DPP4: variants seen among roughly 807,000 people sequenced by gnomAD.
DPP4 encodes dipeptidyl peptidase 4, also known as ADCP-2.
Under a neutral mutation model 122.4 loss-of-function variants are expected in DPP4, and 93 were observed. The ratio of observed to expected loss-of-function variants is 0.76; its 90% confidence interval spans 0.64 to 0.90. The LOEUF (loss-of-function observed/expected upper bound fraction) is 0.90. DPP4 is among the 40% of genes least tolerant of loss of function. The probability of loss-of-function intolerance (pLI) is 0.00; values close to 1 mark genes in which losing one functional copy is unlikely to be tolerated. For synonymous variants in DPP4, 321 were observed against 302.9 expected (o/e 1.06, Z -0.62); for missense variants, 914 against 907.3 (o/e 1.01, Z -0.09).
intron 21 of DPP4, 34 bp from the exon 22 acceptor site, chr2:162,008,695 A>T: frequency 1.3e-6 from 2 of 1,570,302 alleles, no homozygotes; most frequent in Non-Finnish European, 1.8e-6. Context: ...TTATGGAGGT[A>T]AAAGAATAAG....
chr2:162,058,180 T>C (rs1448550186), intron 2 of DPP4, among the ~76,000 whole-genome samples: 1 of 152,220 alleles, frequency 6.6e-6, no homozygotes, highest in African/African-American at 2.4e-5. Context: ...AATTAAATAA[T>C]TAGAACTTAA....
intron 2 of DPP4, among the ~76,000 whole-genome samples, chr2:162,058,002 G>A (rs1243420842): frequency 6.6e-6 from 1 of 152,036 alleles, no homozygotes; most frequent in Non-Finnish European, 1.5e-5. Flanking sequence ...TGAACTCCTG[G>A]CCTCAGATGA....
intron 16 of DPP4, 48 bp downstream of exon 16, chr2:162,018,681 G>A: frequency 1.3e-6 from 2 of 1,594,810 alleles, no homozygotes; most frequent in Non-Finnish European, 1.7e-6. Context: ...CTGCTTCGAA[G>A]TGAGTAACAG....
chr2:162,064,703 A>C (rs1180364563), intron 2 of DPP4, among the ~76,000 whole-genome samples: 1 of 152,194 alleles, frequency 6.6e-6, no homozygotes, highest in African/African-American at 2.4e-5. Flanking sequence ...CTATTATCTC[A>C]GATTTATATT....
In DPP4 at chr2:162,016,867, C is replaced by A; in HGVS notation, c.1469-1G>T. 6.2e-7 allele frequency: 1 copy of A among 1,608,176 alleles called. No individual in the cohort carries two copies. Among genetic ancestry groups the A allele is most frequent in the Non-Finnish European group, 8.5e-7 (1 of 1,178,196 alleles). On this transcript the variant is annotated splice_acceptor_variant, in intron 17 of 25. Coordinates refer to ENST00000360534, the MANE Select transcript of DPP4 (RefSeq NM_001935.4). LOFTEE classifies it high-confidence loss of function. ...GAATTGTCTTCCAGGACTCTCAGCC[C>A]TAAAGAAATACAGGAGACAGCAGTC...
At chr2:162,044,477 CGTTGGTGTGTGAGT>C (rs1217625693) in intron 5 of DPP4, among the ~76,000 whole-genome samples, 4 of 148,542 alleles carry the variant, frequency 2.7e-5, no homozygotes, top group Non-Finnish European at 6.0e-5. Context: ...GGTGTGTGAG[CGTTGGTGTGTGAGT>C]GTTGGTGTGT....
intron 18 of DPP4, among the ~76,000 whole-genome samples, chr2:162,015,095 C>T (rs958205727): frequency 2.0e-5 from 3 of 152,008 alleles, no homozygotes; most frequent in African/African-American, 7.2e-5. Flanking sequence ...AAAATTTGTC[C>T]CTAAATAATG....
At chr2:162,012,334 A>G (rs1682733042) in intron 19 of DPP4, among the ~76,000 whole-genome samples, 1 of 152,152 alleles carries the variant, frequency 6.6e-6, no homozygotes, top group Non-Finnish European at 1.5e-5. Flanking sequence ...AATGATGATG[A>G]CAACAATAAA....
chr2:161,996,036 C>T (rs1416776420), intron 23 of DPP4, among the ~76,000 whole-genome samples: 1 of 151,776 alleles, frequency 6.6e-6, no homozygotes, highest in East Asian at 1.9e-4. Context: ...AGAGGAGATA[C>T]TATTTGATCA....
At chr2:162,064,359 C>A (rs976975603) in intron 2 of DPP4, among the ~76,000 whole-genome samples, 1 of 152,142 alleles carries the variant, frequency 6.6e-6, no homozygotes, top group Non-Finnish European at 1.5e-5. Flanking sequence ...AATTTTTTCG[C>A]TGGAAATTTT....
At chr2:162,067,328 TC>T (rs1684981155) in intron 2 of DPP4, among the ~76,000 whole-genome samples, 1 of 152,010 alleles carries the variant, frequency 6.6e-6, no homozygotes, top group Non-Finnish European at 1.5e-5. Context: ...AGTTTTGGGG[TC>T]CCCAGTTTTA....
In DPP4 at chr2:162,020,301, TG is replaced by T. The variant is rs770960193; in HGVS notation, c.1177-6del. The T allele has an allele frequency of 4.7e-6, 7 of 1,499,290 alleles. No individual in the cohort carries two copies. The highest frequency in any genetic ancestry group is 1.8e-5 in the African/African-American group (1 of 56,794). 92.9% of individuals were successfully genotyped at this position (1,499,290 alleles called of 1,614,324 possible). A position where few individuals can be genotyped will look rare whatever the true frequency, so the allele number is the denominator to read the frequency against. On this transcript the variant is annotated splice_polypyrimidine_tract_variant and splice_region_variant and intron_variant, in intron 13 of 25. Coordinates refer to ENST00000360534, the MANE Select transcript of DPP4 (RefSeq NM_001935.4). ...TTTTGTAATAAATGTGCAGTCCTGA[TG>T]GTTTTTTTTTTTTTTCAAAAAAAAA... is the stretch of plus-strand genomic sequence containing the variant.
In DPP4 at chr2:162,038,294, G is replaced by C. The variant is rs1452352102; in HGVS notation, c.613+8C>G. The C allele has an allele frequency of 6.5e-7, 1 of 1,543,864 alleles. No individual in the cohort carries two copies. Among genetic ancestry groups the C allele is most frequent in the Non-Finnish European group, 8.7e-7 (1 of 1,151,310 alleles). On this transcript the variant is annotated splice_region_variant and intron_variant, in intron 8 of 25. Transcript: ENST00000360534. ...TTTTCTGATTTGAAAAAGCTTTAAA[G>C]TTTCTACCTTCATAAACCCAGTCAG...
intron 11 of DPP4, among the ~76,000 whole-genome samples, chr2:162,023,408 A>C (rs1683209013): frequency 6.6e-6 from 1 of 152,100 alleles, no homozygotes; most frequent in Non-Finnish European, 1.5e-5. Flanking sequence ...TTACGAGATA[A>C]GTCCAAACTC....
chr2:162,026,648 C>T (rs1243944975), intron 10 of DPP4, among the ~76,000 whole-genome samples: 1 of 152,196 alleles, frequency 6.6e-6, no homozygotes, highest in Non-Finnish European at 1.5e-5. Context: ...TCACAAACCG[C>T]CAGGCTGCAG....
intron 2 of DPP4, among the ~76,000 whole-genome samples, chr2:162,053,578 C>G (rs751984940): frequency 3.3e-5 from 5 of 152,228 alleles, no homozygotes; most frequent in South Asian, 2.1e-4. Context: ...AAAAAAGGAG[C>G]CTTGGGCACC....
At chr2:162,051,108 TA>T (rs1156974850) in intron 2 of DPP4, among the ~76,000 whole-genome samples, 12 of 152,340 alleles carry the variant, frequency 7.9e-5, no homozygotes, top group Middle Eastern at 3.4e-3. Context: ...CTTCTTTAGC[TA>T]AAGCAACTAT....
chr2:162,042,475 T>C (rs945003119), intron 5 of DPP4, among the ~76,000 whole-genome samples: 2 of 152,200 alleles, frequency 1.3e-5, no homozygotes, highest in African/African-American at 2.4e-5. Context: ...AGAAGTCACA[T>C]AGTAGGATCT....
At position 162,023,095 on chromosome 2, in the gene DPP4, C is replaced by T. The variant is rs2106105294; in HGVS notation, c.1024-296G>A. 1.3e-5 allele frequency among the ~76,000 whole-genome samples: 2 copies of T among 152,198 alleles called. 1 individual carries two copies. Among genetic ancestry groups the T allele is most frequent in the South Asian group, 4.2e-4 (2 of 4,814 alleles). On this transcript the variant is annotated intron_variant, in intron 11 of 25. Coordinates refer to ENST00000360534, the MANE Select transcript of DPP4 (RefSeq NM_001935.4). ...TCTGTCCCACCAGCCTGTTCTACTC[C>T]CTCATTCTTCTTCTAGTTAGTGGCA...
Sources: allele counts gnomAD v4.1 joint callset (sites outside exome capture counted in the v4.1 genomes callset), GRCh38; gene constraint gnomAD v4.1.1; transcripts MANE v1.5; gene names NCBI Gene and HGNC (gene_info 2026-07-23, HGNC 2026-07-21).